SPAG17: variants seen among roughly 807,000 people sequenced by gnomAD.
SPAG17 encodes sperm-associated antigen 17.
Under a neutral mutation model 273.6 loss-of-function variants are expected in SPAG17, and 169 were observed. The ratio of observed to expected loss-of-function variants is 0.62; its 90% CI spans 0.55 to 0.70. The LOEUF is 0.70. SPAG17 is among the 30% of genes least tolerant of loss of function. SPAG17 has a pLI of 0.00. For missense variants in SPAG17, 2,557 were observed against 2,627.8 expected, an observed-to-expected ratio of 0.97 and a Z score of 0.59; for synonymous variants, 825 against 873.2, an observed-to-expected ratio of 0.94 and a Z score of 0.97.
intron 41 of SPAG17, 25 bp downstream of exon 41, chr1:117,984,658 A>G (rs2101610034): frequency 7.1e-7 from 1 of 1,406,458 alleles, no homozygotes; most frequent in East Asian, 2.3e-5. Context: ...CTTTTATTAG[A>G]TTATAGTTCA....
At chr1:118,171,183 A>G (rs1010973298) in intron 1 of SPAG17, among the ~76,000 whole-genome samples, 2 of 152,176 alleles carry the variant, frequency 1.3e-5, no homozygotes, top group Non-Finnish European at 2.9e-5. Context: ...AATATGGGGA[A>G]AGATCATGGT....
chr1:118,055,907 A>T lies in SPAG17; in HGVS notation c.2548T>A (p.Leu850Met). 1 of 1,605,710 alleles carries T rather than the reference A, an allele frequency of 6.2e-7. No homozygotes were observed. The highest frequency in any genetic ancestry group is 1.7e-5 in the Admixed American group (1 of 58,788). ...TGAATAGATTTTGCAACAAGTTCCA[A>T]ATAATTCCTAAACAAACCAATAGCA... ...LHSNVGFRNYLELVAKSIQDW... is the reference protein window; with the variant it reads ...LHSNVGFRNYMELVAKSIQDW... Residue 850 changes from leucine to methionine, a missense_variant, in exon 19 of 49, where the codon TTG becomes ATG. Transcript: ENST00000336338.
rs1655802981 is a variant in SPAG17 at position 118,097,685 on chromosome 1, T to C, written c.996A>G (p.Ser332=). 6.2e-7 allele frequency: 1 copy of C among 1,601,510 alleles called. No homozygotes were observed. The highest frequency in any genetic ancestry group is 1.1e-5 in the South Asian group (1 of 87,962). Residue 332 remains serine (S), a synonymous_variant, in exon 7 of 49, where the codon TCA becomes TCG. Coordinates refer to ENST00000336338, the MANE Select transcript of SPAG17 (RefSeq NM_206996.4). ...VKAADFPSDW[S]DGEMMLKLGT... ...GTGTACTAACCATCATCTCACCATC[T>C]GACCAGTCAGAAGGAAAATCAGCTG...
In SPAG17 at chr1:118,019,033, C is replaced by CAAAA. The variant is rs10629525; in HGVS notation, c.4070-2855_4070-2852dup. The stretch of plus-strand genomic sequence containing the variant: ...TGGGTGACAGAGTGAGACCATGTCT[C>CAAAA]AAAAAAAAAAAAAAAAAATGCACTT... On this transcript the variant is annotated intron_variant, in intron 28 of 48. Transcript: ENST00000336338. 6.9e-3 allele frequency among the ~76,000 whole-genome samples: 663 copies of CAAAA among 95,784 alleles called. 21 individuals are homozygous for CAAAA. Among genetic ancestry groups the CAAAA allele is most frequent in the African/African-American group, 0.025 (608 of 24,762 alleles). The allele number at this position is 95,784 out of a possible 152,430, so 62.8% of individuals were successfully genotyped here.
Position 118,025,244 on chromosome 1 carries a change from G to C in SPAG17, c.3903C>G (p.Ser1301=). The C allele has an allele frequency of 6.2e-7, 1 of 1,612,694 alleles. No homozygotes were observed. The highest frequency in any genetic ancestry group is 8.5e-7 in the Non-Finnish European group (1 of 1,179,334). Reference sequence around the variant, plus strand: ...CTCTAACACATTCTTTTACCTGTGTGGATCCATCCAACATATATTTGACAA... The same window carrying C: ...CTCTAACACATTCTTTTACCTGTGTCGATCCATCCAACATATATTTGACAA... ...GTVVKYMLDG[S]TQILFADGAV... Residue 1301 remains serine (S), a synonymous_variant, in exon 27 of 49, where the codon TCC becomes TCG. Coordinates refer to ENST00000336338, the MANE Select transcript of SPAG17 (RefSeq NM_206996.4).
intron 4 of SPAG17, among the ~76,000 whole-genome samples, chr1:118,113,803 GA>G (rs1372845063): frequency 1.4e-4 from 22 of 152,072 alleles, no homozygotes; most frequent in Non-Finnish European, 2.9e-5. Flanking sequence ...ACATTTCAAA[GA>G]AATGCTGAGT....
intron 25 of SPAG17, among the ~76,000 whole-genome samples, chr1:118,030,563 G>T (rs1296840039): frequency 2.0e-5 from 3 of 152,038 alleles, no homozygotes; most frequent in Non-Finnish European, 4.4e-5. Flanking sequence ...CATGCATTAG[G>T]TATTTGTCCT....
chr1:117,979,058 G>A (rs898531475), intron 43 of SPAG17, among the ~76,000 whole-genome samples: 3 of 151,908 alleles, frequency 2.0e-5, no homozygotes, highest in Non-Finnish European at 4.4e-5. Flanking sequence ...TAGTAGAAAC[G>A]GGGTTTCAGC....
chr1:118,085,871 T>C, intron 13 of SPAG17, 51 bp downstream of exon 13: 1 of 1,516,602 alleles, frequency 6.6e-7, no homozygotes, highest in African/African-American at 1.4e-5. Context: ...AAGAGGCATA[T>C]ATGACCATTA....
chr1:118,159,512 T>C (rs942539831), intron 1 of SPAG17, among the ~76,000 whole-genome samples: 1 of 152,206 alleles, frequency 6.6e-6, no homozygotes, highest in Non-Finnish European at 1.5e-5. Flanking sequence ...TGTAAATTTG[T>C]TGAGTACCAC....
intron 30 of SPAG17, among the ~76,000 whole-genome samples, chr1:118,011,565 C>A (rs1406226557): frequency 6.6e-6 from 1 of 151,994 alleles, no homozygotes; most frequent in East Asian, 1.9e-4. Flanking sequence ...ATACTGGGGC[C>A]TACTGGAAGG....
Position 118,099,736 on chromosome 1 carries a change from T to C in SPAG17, c.699A>G (p.Leu233=), listed in dbSNP as rs1655941124. 6.2e-7 allele frequency: 1 copy of C among 1,613,608 alleles called. No individual in the cohort carries two copies. Among genetic ancestry groups the C allele is most frequent in the Non-Finnish European group, 8.5e-7 (1 of 1,179,936 alleles). The stretch of plus-strand genomic sequence containing the variant: ...TGCCAAGCTCAGCCATAATTGCTAA[T>C]AGCTGAGGATTGTTAAAGCCCACAA... ...IIVVGFNNPQ[L]LAIMAELGIP... The change falls in exon 6 of 49, where the codon CTA becomes CTG. Residue 233 remains leucine (L), a synonymous_variant. Coordinates refer to ENST00000336338, the MANE Select transcript of SPAG17 (RefSeq NM_206996.4).
chr1:118,115,886 T>C (rs1290505536), intron 3 of SPAG17, among the ~76,000 whole-genome samples: 1 of 152,244 alleles, frequency 6.6e-6, no homozygotes, highest in Non-Finnish European at 1.5e-5. Context: ...GAAATGACTA[T>C]GTTAGCAGTC....
Position 118,091,602 on chromosome 1 carries a change from C to A in SPAG17, c.1359+4G>T. 1 of 1,569,544 alleles carries A rather than the reference C, an allele frequency of 6.4e-7. No homozygotes were observed. The highest frequency in any genetic ancestry group is 8.8e-7 in the Non-Finnish European group (1 of 1,141,048). On this transcript the variant is annotated splice_donor_region_variant and intron_variant, in intron 10 of 48. Coordinates refer to ENST00000336338, the MANE Select transcript of SPAG17 (RefSeq NM_206996.4). ...GTATACAACCTGGGAAAAAGCCTCC[C>A]CACCTGTTCCAGCATACAATGCAGT...
intron 6 of SPAG17, among the ~76,000 whole-genome samples, chr1:118,098,129 G>C (rs1655835321): frequency 6.6e-6 from 1 of 152,138 alleles, no homozygotes; most frequent in African/African-American, 2.4e-5. Flanking sequence ...CATTTTGGGA[G>C]CTAAATATGT....
intron 17 of SPAG17, among the ~76,000 whole-genome samples, chr1:118,068,007 C>G (rs1441682635): frequency 6.6e-6 from 1 of 152,082 alleles, no homozygotes; most frequent in Non-Finnish European, 1.5e-5. Flanking sequence ...GTTTCCTTTG[C>G]CAATCAACAA....
intron 24 of SPAG17, among the ~76,000 whole-genome samples, chr1:118,035,160 C>T (rs1469231684): frequency 2.0e-5 from 3 of 152,042 alleles, no homozygotes; most frequent in Non-Finnish European, 2.9e-5. Context: ...TTTACAAAGA[C>T]TTATACCTTC....
chr1:118,049,287 C>T (rs900015352), intron 20 of SPAG17, among the ~76,000 whole-genome samples: 5 of 152,240 alleles, frequency 3.3e-5, no homozygotes, highest in Middle Eastern at 3.4e-3. Context: ...AATGACAGGC[C>T]GTTGTCCCTG....
Position 118,008,088 on chromosome 1 carries a change from C to T in SPAG17, c.4543G>A (p.Gly1515Arg). The T allele has an allele frequency of 6.2e-7, 1 of 1,614,014 alleles. No homozygotes were observed. The highest frequency in any genetic ancestry group is 8.5e-7 in the Non-Finnish European group (1 of 1,179,950). The change falls in exon 31 of 49, where the codon GGA (glycine) becomes AGA (arginine). Residue 1515 changes from glycine (G) to arginine (R), a missense_variant. Gly to Arg is a moderately radical substitution (Grantham distance 125, BLOSUM62 -2). Transcript: ENST00000336338. ...TTTGCAATAATAGTTGTTCCATCTC[C>T]AAAGGTGGCACAGCAGCTACTGTCC... ...CEDSSCCATF[G>R]DGTTIIAKPQ... is the part of the protein sequence containing the mutation.
Sources: allele counts gnomAD v4.1 joint callset (sites outside exome capture counted in the v4.1 genomes callset), GRCh38; gene constraint gnomAD v4.1.1; transcripts MANE v1.5; gene names NCBI Gene and HGNC (gene_info 2026-07-23, HGNC 2026-07-21).